C22orf31: variants seen among roughly 807,000 people sequenced by gnomAD.
C22orf31 encodes the protein chromosome 22 open reading frame 31.
C22orf31 carries 11 observed loss-of-function variants against 15.0 expected under a neutral mutation model. The ratio of observed to expected loss-of-function variants is 0.73; its 90% CI spans 0.46 to 1.21. The LOEUF (loss-of-function observed/expected upper bound fraction) is 1.21, where lower values mean the gene tolerates loss of function less well. C22orf31 is among the 50% of genes most tolerant of loss of function. The pLI is 0.00. For missense variants in C22orf31, 340 were observed against 347.2 expected, an observed-to-expected ratio of 0.98 and a Z score of 0.17; for synonymous variants, 132 against 133.3, an observed-to-expected ratio of 0.99 and a Z score of 0.07.
the C22orf31 span, among the ~76,000 whole-genome samples, chr22:29,068,640 G>C: frequency 6.7e-6 from 1 of 150,040 alleles, no homozygotes; most frequent in South Asian, 2.1e-4. Flanking sequence ...TCGATCTCCT[G>C]ACCTCATGAT....
chr22:29,066,813 G>A (rs761339922), upstream of C22orf31, among the ~76,000 whole-genome samples: 9 of 151,702 alleles, frequency 5.9e-5, no homozygotes, highest in Non-Finnish European at 1.2e-4. Context: ...CACCTGCCTC[G>A]GCCTCCCAAA....
chr22:29,059,446 G>A (rs1219105785), intron 2 of C22orf31, among the ~76,000 whole-genome samples: 1 of 152,192 alleles, frequency 6.6e-6, no homozygotes, highest in Admixed American at 6.5e-5. Context: ...AATAACAGCT[G>A]TCATCTATTG....
intron 2 of C22orf31, chr22:29,060,013 T>C (rs975629637): frequency 2.3e-5 from 22 of 942,532 alleles, no homozygotes; most frequent in Non-Finnish European, 2.5e-5. Flanking sequence ...TAGATCTTTT[T>C]TTCTTTTCTT....
chr22:29,070,644 A>G, the C22orf31 span, among the ~76,000 whole-genome samples: 109 of 152,290 alleles, frequency 7.2e-4, no homozygotes, highest in African/African-American at 2.4e-3. Flanking sequence ...CTGTAGTCCC[A>G]GCTATCCAGG....
chr22:29,061,382 T>C (rs2037390002), intron 1 of C22orf31, among the ~76,000 whole-genome samples: 1 of 152,146 alleles, frequency 6.6e-6, no homozygotes, highest in Non-Finnish European at 1.5e-5. Context: ...TTCTTCTGCC[T>C]CAGCCTCCGA....
At chr22:29,062,403 A>C (rs923687474), upstream of C22orf31, among the ~76,000 whole-genome samples, 1 of 152,130 alleles carries the variant, frequency 6.6e-6, no homozygotes, top group Admixed American at 6.6e-5. Flanking sequence ...CGGGAAGACT[A>C]CATGGTTTCT....
At chr22:29,068,140 G>A in the C22orf31 span, among the ~76,000 whole-genome samples, 3 of 141,862 alleles carry the variant, frequency 2.1e-5, no homozygotes, top group Non-Finnish European at 4.5e-5. Context: ...GGAGGACAAT[G>A]GCACTATCTC....
In C22orf31 at chr22:29,060,629, G is replaced by A; in HGVS notation, c.218C>T (p.Ser73Phe). Residue 73 changes from serine (S) to phenylalanine (F), a missense_variant, in exon 2 of 3, where the codon TCC (serine) becomes TTC (phenylalanine). Physicochemically the swap from Ser to Phe is radical, Grantham distance 155 (BLOSUM62 -2). Coordinates refer to ENST00000216071, the MANE Select transcript of C22orf31 (RefSeq NM_015370.2). Reference protein sequence around the residue: ...EVVRNPLIASSFSLVKLVLRR... With the variant: ...EVVRNPLIASFFSLVKLVLRR... ...GAGTACAAGCTTAACCAGGGAGAAG[G>A]AACTGGCAATTAATGGGTTCCTTAC... 1.2e-6 allele frequency: 2 copies of A among 1,614,132 alleles called. No individual in the cohort carries two copies. Among genetic ancestry groups the A allele is most frequent in the Non-Finnish European group, 1.7e-6 (2 of 1,180,010 alleles).
Position 29,060,756 on chromosome 22 carries a change from A to G in C22orf31, c.91T>C (p.Tyr31His), listed in dbSNP as rs764073149. ...TTGGTGAGAGCCGGTGAGTCCACAT[A>G]GCAGTCCTGAAGCCTGGTATTTAAT... ...ILLNTRLQDC[Y>H]VDSPALTNIW... The change falls in exon 2 of 3, where the codon TAT becomes CAT. Residue 31 changes from tyrosine (Y) to histidine (H), a missense_variant. Transcript: ENST00000216071. 1 of 1,614,098 alleles carries G rather than the reference A, an allele frequency of 6.2e-7. No individual in the cohort carries two copies. The highest frequency in any genetic ancestry group is 1.7e-5 in the Admixed American group (1 of 60,020).
At chr22:29,066,539 C>CTTTTTTTTTTTTTTTTTTTTTT (rs134565), upstream of C22orf31, among the ~76,000 whole-genome samples, 18 of 70,228 alleles carry the variant, frequency 2.6e-4, 2 homozygotes, top group South Asian at 5.3e-4. Context: ...CTTTTCTTTT[C>CTTTTTTTTTTTTTTTTTTTTTT]TTTTTTTTTT....
chr22:29,060,951 CT>C (rs1219847685), intron 1 of C22orf31, 108 bp from the exon 2 acceptor site: 1 of 916,904 alleles, frequency 1.1e-6, no homozygotes, highest in Non-Finnish European at 1.7e-6. Flanking sequence ...TAGGCCATTC[CT>C]TCCACCCAGT....
In C22orf31 at chr22:29,060,721, C is replaced by A; in HGVS notation, c.126G>T (p.Met42Ile). Reference protein sequence around the residue: ...VDSPALTNIWMARTCAKQNIN... With the variant: ...VDSPALTNIWIARTCAKQNIN... ...TGTTCTGCTTTGCACATGTTCTGGC[C>A]ATCCAGATGTTGGTGAGAGCCGGTG... is the stretch of plus-strand genomic sequence containing the variant. The change falls in exon 2 of 3, where the codon ATG becomes ATT. Residue 42 changes from methionine to isoleucine, a missense_variant. Physicochemically the swap from Met to Ile is conservative, Grantham distance 10 (BLOSUM62 1). Transcript: ENST00000216071. 6.2e-7 allele frequency: 1 copy of A among 1,614,100 alleles called. No individual in the cohort carries two copies. The highest frequency in any genetic ancestry group is 8.5e-7 in the Non-Finnish European group (1 of 1,180,022).
At chr22:29,061,881 TTTTTG>T, upstream of C22orf31, 4 of 1,080,352 alleles carry the variant, frequency 3.7e-6, no homozygotes, top group Non-Finnish European at 5.4e-6. Flanking sequence ...TCTCTCTTTT[TTTTTG>T]TTTTTGTTTT....
At chr22:29,059,617 C>T in intron 2 of C22orf31, 3 of 877,840 alleles carry the variant, frequency 3.4e-6, no homozygotes, top group Non-Finnish European at 4.1e-6. Context: ...CCGAGGTCGT[C>T]CTCAATTACA....
intron 1 of C22orf31, 102 bp downstream of exon 1, chr22:29,061,688 A>T: frequency 1.2e-6 from 1 of 857,050 alleles, no homozygotes; most frequent in Non-Finnish European, 1.8e-6. Flanking sequence ...ATTTCCTGGG[A>T]CCAACTAAGA....
chr22:29,072,591 T>A, the C22orf31 span, among the ~76,000 whole-genome samples: 2 of 152,252 alleles, frequency 1.3e-5, no homozygotes, highest in Non-Finnish European at 2.9e-5. Flanking sequence ...ATTCTTTTTT[T>A]AACCATTACG....
chr22:29,061,391 G>A (rs374956173), intron 1 of C22orf31, among the ~76,000 whole-genome samples: 104 of 152,156 alleles, frequency 6.8e-4, no homozygotes, highest in African/African-American at 2.4e-3. Context: ...CTCAGCCTCC[G>A]AAGTAGTTGA....
At chr22:29,072,134 G>T in the C22orf31 span, among the ~76,000 whole-genome samples, 2 of 151,832 alleles carry the variant, frequency 1.3e-5, no homozygotes, top group African/African-American at 2.4e-5. Context: ...CTTTCGTTTT[G>T]GTTTTTTTTT....
rs566756171 is a variant in C22orf31 at position 29,058,783 on chromosome 22, G to A, written c.832C>T (p.Pro278Ser). The change falls in exon 3 of 3, where the codon CCT becomes TCT. Residue 278 changes from proline to serine, a missense_variant. Physicochemically the swap from Pro to Ser is moderately conservative, Grantham distance 74. Coordinates refer to ENST00000216071, the MANE Select transcript of C22orf31 (RefSeq NM_015370.2). ...GRKQPGVHEE[P>S]VLKKWPKLKS... ...AACTTGGGCCATTTCTTGAGTACAG[G>A]CTCCTCGTGGACACCTGGCTGCTTC... 2 of 1,613,948 alleles carry A rather than the reference G, an allele frequency of 1.2e-6. No homozygotes were observed. Among genetic ancestry groups the A allele is most frequent in the South Asian group, 2.2e-5 (2 of 91,060 alleles).
Sources: allele counts gnomAD v4.1 joint callset (sites outside exome capture counted in the v4.1 genomes callset), GRCh38; gene constraint gnomAD v4.1.1; transcripts MANE v1.5; gene names NCBI Gene and HGNC (gene_info 2026-07-23, HGNC 2026-07-21).